NYAP2: variants seen among roughly 807,000 people sequenced by gnomAD.
NYAP2 encodes neuronal tyrosine-phosphorylated phosphoinositide-3-kinase adapter 2.
In NYAP2, 23 loss-of-function variants were observed where a neutral mutation model predicts 50.4. The ratio of observed to expected loss-of-function variants is 0.46; its 90% CI spans 0.33 to 0.65. NYAP2 has a LOEUF of 0.65. NYAP2 is among the 30% of genes least tolerant of loss of function. The pLI is 0.02. For missense variants in NYAP2, 885 were observed against 861.0 expected, an observed-to-expected ratio of 1.03 and a Z score of -0.35; for synonymous variants, 394 against 365.2, an observed-to-expected ratio of 1.08 and a Z score of -0.90.
In NYAP2 at chr2:225,573,171, T is replaced by A. The variant is rs182774424; in HGVS notation, c.524-8770T>A. ...CATGCACAGGAAATTAATTTTGGAT[T>A]TTTTTTTCAGTTATCTATTGCTGTG... On this transcript the variant is annotated intron_variant, in intron 4 of 6. Transcript: ENST00000636099. 6.6e-3 allele frequency among the ~76,000 whole-genome samples: 1,009 copies of A among 151,922 alleles called. 12 individuals are homozygous for A. The highest frequency in any genetic ancestry group is 0.023 in the African/African-American group (964 of 41,440).
chr2:225,574,316 C>T (rs1172845717), intron 4 of NYAP2, among the ~76,000 whole-genome samples: 2 of 152,140 alleles, frequency 1.3e-5, no homozygotes, highest in Middle Eastern at 3.2e-3. Flanking sequence ...AGGGGAGGAA[C>T]ATAGAAGTCA....
chr2:225,665,356 AT>A, the NYAP2 span, among the ~76,000 whole-genome samples: 1 of 152,140 alleles, frequency 6.6e-6, no homozygotes, highest in Admixed American at 6.5e-5. Context: ...AGAAAAAAAA[AT>A]GTTTTTAAGT....
chr2:225,534,462 T>C (rs1274550103), intron 4 of NYAP2, among the ~76,000 whole-genome samples: 1 of 152,240 alleles, frequency 6.6e-6, no homozygotes, highest in Non-Finnish European at 1.5e-5. Context: ...GTGAAATAGA[T>C]GTTTACCTTT....
intron 4 of NYAP2, among the ~76,000 whole-genome samples, chr2:225,533,232 A>G (rs1691288699): frequency 6.6e-6 from 1 of 152,202 alleles, no homozygotes; most frequent in Admixed American, 6.5e-5. Flanking sequence ...AAATGCTCTT[A>G]TGTCTCCAAA....
chr2:225,520,154 C>T (rs1445187420), intron 4 of NYAP2, among the ~76,000 whole-genome samples: 13 of 151,946 alleles, frequency 8.6e-5, no homozygotes, highest in Middle Eastern at 3.2e-3. Flanking sequence ...TTGAGTTCAT[C>T]GTAGATTCTG....
chr2:225,432,007 T>A (rs1689273964), intron 3 of NYAP2, among the ~76,000 whole-genome samples: 1 of 152,146 alleles, frequency 6.6e-6, no homozygotes, highest in South Asian at 2.1e-4. Context: ...TCTCGCTCTG[T>A]CACCCAGGCC....
chr2:225,513,461 C>T lies in NYAP2; in HGVS notation c.312C>T (p.Asp104=), dbSNP rs141267294. 9.8e-5 allele frequency: 158 copies of T among 1,613,988 alleles called. No homozygotes were observed. In the African/African-American group the frequency reaches 1.9e-3, roughly 19 times the overall value. ...TCATGACAATGCCTGCTCCTCAGGA[C>T]AGACTTCCCCATCCTTGCTCCAGTG... Residue 104 remains aspartate (D), a synonymous_variant, in exon 4 of 7, where the codon GAC becomes GAT. Coordinates refer to ENST00000636099, the Ensembl canonical transcript of NYAP2.
chr2:225,530,032 T>C (rs1285172169), intron 4 of NYAP2, among the ~76,000 whole-genome samples: 2 of 152,294 alleles, frequency 1.3e-5, no homozygotes, highest in East Asian at 1.9e-4. Context: ...TTAGAGAGTA[T>C]ACCTGACAAA....
intron 3 of NYAP2, among the ~76,000 whole-genome samples, chr2:225,488,851 ATGGT>A (rs1288649186): frequency 6.6e-6 from 1 of 152,188 alleles, no homozygotes; most frequent in African/African-American, 2.4e-5. Context: ...TTCTTCTACA[ATGGT>A]TGGTGAGTTT....
intron 5 of NYAP2, among the ~76,000 whole-genome samples, chr2:225,620,749 C>A (rs1317913390): frequency 1.3e-5 from 2 of 152,140 alleles, no homozygotes; most frequent in Admixed American, 1.3e-4. Context: ...AACACACACA[C>A]AAAATTCCTT....
exon 5 of NYAP2, chr2:225,581,967 G>A: frequency 6.2e-7 from 1 of 1,609,356 alleles, no homozygotes; most frequent in Non-Finnish European, 8.5e-7. Flanking sequence ...ACCCCACAGC[G>A]ATGAATATTC....
chr2:225,516,412 A>C (rs141333876), intron 4 of NYAP2, among the ~76,000 whole-genome samples: 46 of 152,282 alleles, frequency 3.0e-4, no homozygotes, highest in African/African-American at 1.1e-3. Context: ...ACCAACTCCA[A>C]ATCCAGCATT....
chr2:225,564,986 T>G (rs1030764329), intron 4 of NYAP2, among the ~76,000 whole-genome samples: 1 of 151,868 alleles, frequency 6.6e-6, no homozygotes, highest in Non-Finnish European at 1.5e-5. Flanking sequence ...AACAATTAGC[T>G]GGGCATGGTG....
intron 4 of NYAP2, among the ~76,000 whole-genome samples, chr2:225,529,695 G>A (rs1034704115): frequency 6.6e-6 from 1 of 150,894 alleles, no homozygotes; most frequent in Non-Finnish European, 1.5e-5. Flanking sequence ...CCAACTCAGT[G>A]TTTTTATTTT....
At chr2:225,664,598 G>T in the NYAP2 span, among the ~76,000 whole-genome samples, 76 of 152,154 alleles carry the variant, frequency 5.0e-4, no homozygotes, top group Non-Finnish European at 4.0e-4. Context: ...GCCGGGCACG[G>T]TGGCTTATGC....
At chr2:225,437,092 A>ATG (rs1174352758) in intron 3 of NYAP2, among the ~76,000 whole-genome samples, 2 of 151,926 alleles carry the variant, frequency 1.3e-5, no homozygotes, top group South Asian at 2.1e-4. Flanking sequence ...ATATATATAT[A>ATG]TGTATATATA....
At chr2:225,570,162 G>C (rs745885121) in intron 4 of NYAP2, among the ~76,000 whole-genome samples, 10 of 152,188 alleles carry the variant, frequency 6.6e-5, no homozygotes, top group Non-Finnish European at 1.2e-4. Flanking sequence ...TGTGAACAGA[G>C]GGCTGTGTCT....
chr2:225,608,884 C>G (rs1692833185), intron 5 of NYAP2, among the ~76,000 whole-genome samples: 1 of 152,110 alleles, frequency 6.6e-6, no homozygotes, highest in Non-Finnish European at 1.5e-5. Context: ...AAATGTCACC[C>G]TGGACTGTTC....
chr2:225,581,947 C>T, exon 5 of NYAP2: 1 of 1,596,142 alleles, frequency 6.3e-7, no homozygotes, highest in Non-Finnish European at 8.6e-7. Flanking sequence ...TTAGCGTCAG[C>T]TAAACCAAGA....
Sources: gnomAD v4.1 joint callset for allele counts (sites outside exome capture counted in the v4.1 genomes callset) on GRCh38, gnomAD v4.1.1 for gene constraint, MANE v1.5 for transcripts, NCBI Gene and HGNC (gene_info 2026-07-23, HGNC 2026-07-21) for gene names.